The following CSMD1 variants were observed in gnomAD, a reference collection of about 807,000 sequenced individuals.
The protein encoded by CSMD1 is CUB and sushi domain-containing protein 1.
A neutral mutation model predicts 417.5 loss-of-function variants in CSMD1; 213 were observed. The observed-to-expected ratio is 0.51, with a 90% confidence interval of 0.46 to 0.57. CSMD1 has a LOEUF of 0.57. Among genes scored for constraint, CSMD1 ranks in the 20% least tolerant of loss-of-function variants. CSMD1 has a pLI of 0.00. For synonymous variants in CSMD1, 2,862 were observed against 1,736.8 expected, an observed-to-expected ratio of 1.65 and a Z score of -16.11; for missense variants, 6,923 against 4,529.7, an observed-to-expected ratio of 1.53 and a Z score of -15.17.
At chr8:4,770,284 G>A (rs34839121) in intron 1 of CSMD1, among the ~76,000 whole-genome samples, 58,414 of 147,396 alleles carry the variant, frequency 0.4, 11,974 homozygotes, top group Admixed American at 0.55. Context: ...ATATATATGT[G>A]TATGGGAATA....
intron 3 of CSMD1, among the ~76,000 whole-genome samples, chr8:4,152,685 G>T (rs985327923): frequency 5.3e-5 from 8 of 151,312 alleles, no homozygotes; most frequent in Admixed American, 2.0e-4. Flanking sequence ...GCGAGACCTT[G>T]TCTCAAAAAA....
intron 2 of CSMD1, among the ~76,000 whole-genome samples, chr8:4,487,684 G>T (rs1332969852): frequency 3.9e-5 from 6 of 152,080 alleles, no homozygotes; most frequent in African/African-American, 1.4e-4. Context: ...AAATAATTAA[G>T]TCCATTTAAA....
At chr8:3,295,183 G>A (rs1803875457) in intron 25 of CSMD1, among the ~76,000 whole-genome samples, 2 of 151,948 alleles carry the variant, frequency 1.3e-5, no homozygotes, top group Admixed American at 1.3e-4. Flanking sequence ...GGAGTGCAGT[G>A]GTGTGATCTT....
intron 33 of CSMD1, 69 bp from the exon 34 acceptor site, chr8:3,190,184 G>C (rs1372684723): frequency 7.0e-6 from 9 of 1,290,864 alleles, no homozygotes; most frequent in Non-Finnish European, 9.8e-6. Flanking sequence ...CGTGGAACGT[G>C]GGTTTAAGAT....
chr8:3,657,731 A>T (rs984961834), intron 7 of CSMD1, among the ~76,000 whole-genome samples: 5 of 152,096 alleles, frequency 3.3e-5, no homozygotes, highest in Admixed American at 6.6e-5. Flanking sequence ...GCATTAGGAG[A>T]AATACCTAAT....
intron 3 of CSMD1, among the ~76,000 whole-genome samples, chr8:4,195,586 T>C: frequency 6.6e-6 from 1 of 152,124 alleles, no homozygotes; most frequent in Non-Finnish European, 1.5e-5. Context: ...GTGAGCGTTG[T>C]CACTGTCATG....
At chr8:4,229,137 A>G (rs1178466114) in intron 3 of CSMD1, among the ~76,000 whole-genome samples, 1 of 152,164 alleles carries the variant, frequency 6.6e-6, no homozygotes. Context: ...GCTAGAGAAT[A>G]ACTCCCTTTT....
At chr8:3,798,914 G>C (rs955254720) in intron 5 of CSMD1, among the ~76,000 whole-genome samples, 1 of 151,876 alleles carries the variant, frequency 6.6e-6, no homozygotes, top group Non-Finnish European at 1.5e-5. Flanking sequence ...GAAGAAATGT[G>C]GAGTCAAGCT....
chr8:3,165,218 G>C (rs993981513), intron 37 of CSMD1, among the ~76,000 whole-genome samples: 1 of 151,842 alleles, frequency 6.6e-6, no homozygotes, highest in Non-Finnish European at 1.5e-5. Context: ...TTAATACCTG[G>C]TATGTGTAAG....
At chr8:3,937,073 A>G (rs1810548310) in intron 5 of CSMD1, among the ~76,000 whole-genome samples, 1 of 152,196 alleles carries the variant, frequency 6.6e-6, no homozygotes, top group African/African-American at 2.4e-5. Context: ...ACAGAATTAG[A>G]AGTAGAACTG....
At chr8:3,976,278 T>G (rs1328807333) in intron 5 of CSMD1, among the ~76,000 whole-genome samples, 1 of 152,082 alleles carries the variant, frequency 6.6e-6, no homozygotes, top group East Asian at 1.9e-4. Context: ...TAATTATTTT[T>G]AGCTGTCAGG....
At chr8:3,247,515 A>C (rs978215663) in intron 26 of CSMD1, among the ~76,000 whole-genome samples, 1 of 152,216 alleles carries the variant, frequency 6.6e-6, no homozygotes, top group East Asian at 1.9e-4. Flanking sequence ...ATCCAACCCT[A>C]CGAGGCAAGC....
intron 3 of CSMD1, among the ~76,000 whole-genome samples, chr8:4,257,492 T>G (rs1485373739): frequency 6.6e-6 from 1 of 152,230 alleles, no homozygotes; most frequent in African/African-American, 2.4e-5. Context: ...TTTCTATTAA[T>G]TTTCATATTT....
chr8:4,792,588 G>C (rs1797751538), intron 1 of CSMD1, among the ~76,000 whole-genome samples: 1 of 152,140 alleles, frequency 6.6e-6, no homozygotes, highest in Non-Finnish European at 1.5e-5. Context: ...GTCCATGCAA[G>C]AAACTGTTGA....
At chr8:3,451,832 G>C (rs1283957529) in intron 12 of CSMD1, among the ~76,000 whole-genome samples, 3 of 152,138 alleles carry the variant, frequency 2.0e-5, no homozygotes, top group East Asian at 1.9e-4. Context: ...CTTTAAAGTA[G>C]TTTTTTCCAA....
chr8:3,556,154 C>T (rs772135156), intron 10 of CSMD1, among the ~76,000 whole-genome samples: 1 of 151,934 alleles, frequency 6.6e-6, no homozygotes, highest in Non-Finnish European at 1.5e-5. Flanking sequence ...TCAGAATCAT[C>T]AATTTCCTAA....
intron 2 of CSMD1, among the ~76,000 whole-genome samples, chr8:4,502,366 T>C (rs534643465): frequency 9.8e-4 from 149 of 152,224 alleles, no homozygotes; most frequent in Non-Finnish European, 1.8e-3. Context: ...CCTACTGCAG[T>C]CTCTGGCATA....
chr8:4,300,652 T>C (rs1797933577), intron 3 of CSMD1, among the ~76,000 whole-genome samples: 1 of 152,232 alleles, frequency 6.6e-6, no homozygotes, highest in African/African-American at 2.4e-5. Context: ...TCATTTAGCA[T>C]TAGGTATATC....
chr8:2,959,377 G>C (rs779530176), intron 62 of CSMD1, among the ~76,000 whole-genome samples: 4 of 152,174 alleles, frequency 2.6e-5, no homozygotes, highest in Non-Finnish European at 4.4e-5. Flanking sequence ...GGGATTACAG[G>C]CGTGAGCTGC....
Sources: allele counts gnomAD v4.1 joint callset (sites outside exome capture counted in the v4.1 genomes callset), GRCh38; gene constraint gnomAD v4.1.1; transcripts MANE v1.5; gene names NCBI Gene and HGNC (gene_info 2026-07-23, HGNC 2026-07-21).